Variants in TMEM161B observed in about 807,000 individuals in gnomAD.
TMEM161B encodes transmembrane protein 161B.
In TMEM161B, 34 loss-of-function variants were observed where a neutral mutation model predicts 61.8. The ratio of observed to expected loss-of-function variants is 0.55; its 90% CI spans 0.42 to 0.73. The LOEUF (loss-of-function observed/expected upper bound fraction) is 0.73. Among genes scored for constraint, TMEM161B ranks in the 30% least tolerant of loss-of-function variants. The probability of loss-of-function intolerance (pLI) is 0.00; values close to 1 mark genes in which losing one functional copy is unlikely to be tolerated. For missense variants in TMEM161B, 456 were observed against 558.5 expected (o/e 0.82, Z 1.85); for synonymous variants, 167 against 192.8 (o/e 0.87, Z 1.11).
Position 88,196,241 on chromosome 5 carries a change from A to T in TMEM161B, c.1434T>A (p.Leu478=). ...CCACAGTCAGATACTGGTGATAGAA[A>T]AGCCCAAAAAGGCTTGTAGAAAAGA... ...ACLFSTSLFG[L]FYHQYLTVA is the part of the protein sequence containing the mutation. Residue 478 remains leucine, a synonymous_variant, in exon 12 of 12, where the codon CTT becomes CTA. Coordinates refer to ENST00000296595, the MANE Select transcript of TMEM161B (RefSeq NM_153354.5). 7 of 1,612,414 alleles carry T rather than the reference A, an allele frequency of 4.3e-6. No homozygotes were observed. Among genetic ancestry groups the T allele is most frequent in the Non-Finnish European group, 5.9e-6 (7 of 1,179,148 alleles).
intron 1 of TMEM161B, among the ~76,000 whole-genome samples, chr5:88,260,123 T>C (rs963404387): frequency 3.3e-5 from 5 of 152,206 alleles, no homozygotes; most frequent in Admixed American, 2.6e-4. Flanking sequence ...ACCTGGTAAA[T>C]ATTAAATGTA....
downstream of TMEM161B, among the ~76,000 whole-genome samples, chr5:88,194,324 T>C (rs192115527): frequency 9.8e-5 from 15 of 152,290 alleles, no homozygotes; most frequent in East Asian, 2.5e-3. Context: ...GAACATAGTT[T>C]CATTCTTTTT....
intron 4 of TMEM161B, among the ~76,000 whole-genome samples, chr5:88,225,405 G>T (rs185360610): frequency 2.6e-5 from 4 of 152,256 alleles, no homozygotes; most frequent in Admixed American, 1.3e-4. Flanking sequence ...CCCAACCCCT[G>T]GGCTGCTCAA....
chr5:88,220,534 A>G (rs1424173446), intron 5 of TMEM161B, 29 bp downstream of exon 5: 1 of 1,503,516 alleles, frequency 6.7e-7, no homozygotes, highest in Non-Finnish European at 8.8e-7. Context: ...TGCAAAATAA[A>G]TTAATATTAA....
intron 5 of TMEM161B, among the ~76,000 whole-genome samples, chr5:88,209,829 C>G (rs933875684): frequency 6.8e-6 from 1 of 146,000 alleles, no homozygotes; most frequent in East Asian, 2.0e-4. Flanking sequence ...AGTGTCATCA[C>G]TACACTGTCT....
chr5:88,197,565 A>G, intron 11 of TMEM161B, 104 bp downstream of exon 11: 2 of 981,796 alleles, frequency 2.0e-6, no homozygotes, highest in Non-Finnish European at 3.0e-6. Flanking sequence ...ACTTTTAAAA[A>G]GAGAAACAAT....
At chr5:88,224,965 G>GTTTTTTTTTT (rs1008381182) in intron 4 of TMEM161B, among the ~76,000 whole-genome samples, 1 of 131,108 alleles carries the variant, frequency 7.6e-6, no homozygotes. Flanking sequence ...ATATGTTTTT[G>GTTTTTTTTTT]TTTTTTTTTT....
intron 2 of TMEM161B, among the ~76,000 whole-genome samples, chr5:88,234,753 A>G (rs1024434536): frequency 2.6e-5 from 4 of 152,158 alleles, no homozygotes; most frequent in Non-Finnish European, 5.9e-5. Flanking sequence ...AATTGAGAGT[A>G]AGTATTAACA....
At chr5:88,260,822 C>T (rs1580738550) in intron 1 of TMEM161B, among the ~76,000 whole-genome samples, 1 of 152,250 alleles carries the variant, frequency 6.6e-6, no homozygotes, top group East Asian at 1.9e-4. Flanking sequence ...AAATAAGATA[C>T]TGAGATCCCA....
At chr5:88,215,992 T>G (rs1747751140) in intron 5 of TMEM161B, among the ~76,000 whole-genome samples, 1 of 152,168 alleles carries the variant, frequency 6.6e-6, no homozygotes, top group Non-Finnish European at 1.5e-5. Flanking sequence ...GCACAAAGAC[T>G]CATGCCTGTA....
chr5:88,232,165 C>G (rs1344290463), intron 2 of TMEM161B, among the ~76,000 whole-genome samples: 1 of 152,002 alleles, frequency 6.6e-6, no homozygotes, highest in Non-Finnish European at 1.5e-5. Flanking sequence ...CTAAACAGAT[C>G]ATAAAAAGGA....
intron 11 of TMEM161B, 58 bp from the exon 12 acceptor site, chr5:88,196,546 T>A: frequency 6.7e-7 from 1 of 1,488,070 alleles, no homozygotes; most frequent in Non-Finnish European, 8.9e-7. Context: ...AAGCTTTTTA[T>A]TAAAAAAAAA....
intron 5 of TMEM161B, among the ~76,000 whole-genome samples, chr5:88,208,938 T>C (rs1746133375): frequency 6.6e-6 from 1 of 152,188 alleles, no homozygotes; most frequent in Non-Finnish European, 1.5e-5. Flanking sequence ...AATCCTTTCA[T>C]ATATATCTCA....
chr5:88,248,092 A>C (rs1300223579), intron 1 of TMEM161B, among the ~76,000 whole-genome samples: 2 of 152,144 alleles, frequency 1.3e-5, no homozygotes, highest in African/African-American at 2.4e-5. Context: ...ATCATCGGTG[A>C]TATCTGCCTC....
At chr5:88,267,463 T>C (rs1756541982) in intron 1 of TMEM161B, among the ~76,000 whole-genome samples, 1 of 152,186 alleles carries the variant, frequency 6.6e-6, no homozygotes, top group South Asian at 2.1e-4. Flanking sequence ...CAAAAGCCAA[T>C]CACCACACAC....
At chr5:88,245,028 G>A (rs979556565) in intron 1 of TMEM161B, among the ~76,000 whole-genome samples, 10 of 151,726 alleles carry the variant, frequency 6.6e-5, no homozygotes, top group Non-Finnish European at 1.3e-4. Context: ...TCAGATTAAG[G>A]AGCTTTTGGG....
At chr5:88,267,278 C>T (rs1014756465) in intron 1 of TMEM161B, among the ~76,000 whole-genome samples, 1 of 151,974 alleles carries the variant, frequency 6.6e-6, no homozygotes, top group Non-Finnish European at 1.5e-5. Flanking sequence ...TTTCCCTATC[C>T]TTGTCTAATT....
intron 5 of TMEM161B, among the ~76,000 whole-genome samples, chr5:88,214,645 A>G (rs992002667): frequency 6.6e-6 from 1 of 152,234 alleles, no homozygotes; most frequent in Admixed American, 6.5e-5. Flanking sequence ...GGGCCATCAT[A>G]CAGGAAAGAC....
At chr5:88,239,494 T>C (rs774348775) in intron 2 of TMEM161B, among the ~76,000 whole-genome samples, 1 of 151,996 alleles carries the variant, frequency 6.6e-6, no homozygotes, top group Non-Finnish European at 1.5e-5. Context: ...GTAAACAAGA[T>C]TGCACAGGCA....
Sources: gnomAD v4.1 joint callset for allele counts (sites outside exome capture counted in the v4.1 genomes callset) on GRCh38, gnomAD v4.1.1 for gene constraint, MANE v1.5 for transcripts, NCBI Gene and HGNC (gene_info 2026-07-23, HGNC 2026-07-21) for gene names.